GLMN: variants seen among roughly 807,000 people sequenced by gnomAD.
The protein encoded by GLMN is glomulin.
GLMN carries 75 observed loss-of-function variants against 87.8 expected under a neutral mutation model. That is an observed-to-expected ratio of 0.85 (90% CI 0.71 to 1.04). GLMN has a LOEUF of 1.04. GLMN is among the 50% of genes least tolerant of loss of function. The pLI, the probability that GLMN is intolerant of heterozygous loss-of-function variation, is 0.00. For missense variants in GLMN, 588 were observed against 658.8 expected, an observed-to-expected ratio of 0.89 and a Z score of 1.18; for synonymous variants, 206 against 221.6, an observed-to-expected ratio of 0.93 and a Z score of 0.63.
At chr1:92,323,827 A>T in the GLMN span, 12 of 1,614,130 alleles carry the variant, frequency 7.4e-6, no homozygotes, top group Non-Finnish European at 9.3e-6. Flanking sequence ...TTCTTCAAAT[A>T]GCACTTTGCC....
intron 16 of GLMN, among the ~76,000 whole-genome samples, chr1:92,252,517 A>G (rs1366031171): frequency 1.3e-5 from 2 of 152,246 alleles, no homozygotes; most frequent in African/African-American, 4.8e-5. Context: ...GCAATAGCCC[A>G]TAATCATAAA....
chr1:92,323,948 A>C, the GLMN span: 3 of 1,614,208 alleles, frequency 1.9e-6, no homozygotes, highest in South Asian at 1.1e-5. Flanking sequence ...AAATTTGCCA[A>C]ATCAAACCAA....
the GLMN span, among the ~76,000 whole-genome samples, chr1:92,327,017 T>C: frequency 2.0e-5 from 3 of 152,264 alleles, no homozygotes; most frequent in Admixed American, 6.5e-5. Context: ...TGGCCTATCA[T>C]ATGGTCTATC....
the GLMN span, chr1:92,320,623 G>A: frequency 6.2e-7 from 1 of 1,610,124 alleles, no homozygotes; most frequent in Non-Finnish European, 8.5e-7. Context: ...AACTGCTAAA[G>A]GAAGAACAAA....
chr1:92,320,606 G>T, the GLMN span: 1 of 1,610,996 alleles, frequency 6.2e-7, no homozygotes, highest in African/African-American at 1.3e-5. Context: ...CAGGCATCCT[G>T]ATTTTCAACT....
intron 16 of GLMN, among the ~76,000 whole-genome samples, chr1:92,252,353 C>T (rs1348647212): frequency 2.0e-5 from 3 of 152,100 alleles, no homozygotes; most frequent in Admixed American, 6.5e-5. Context: ...GTGATTGCGC[C>T]ACTGCACTCC....
Position 92,247,041 on chromosome 1 carries a change from GAA to G in GLMN, c.1668+19_1668+20del, listed in dbSNP as rs35752451. The G allele has an allele frequency of 0.48, 628,031 of 1,318,938 alleles. 159,859 individuals are homozygous for G. Among genetic ancestry groups the G allele is most frequent in the East Asian group, 0.96 (41,895 of 43,536 alleles). 81.7% of individuals were successfully genotyped at this position (1,318,938 alleles called of 1,614,324 possible). On this transcript the variant is annotated intron_variant, in intron 18 of 18. Transcript: ENST00000370360. ...CCGTTTCTAAAGAAGAAAAAGGAAA[GAA>G]AAGAAAATTTCAGATCACCTTAAGC...
intron 7 of GLMN, among the ~76,000 whole-genome samples, chr1:92,286,055 A>G (rs1301978092): frequency 6.6e-6 from 1 of 152,034 alleles, no homozygotes; most frequent in Non-Finnish European, 1.5e-5. Context: ...AACAGTTAAA[A>G]AAAGAAAACT....
At chr1:92,313,070 T>C in the GLMN span, among the ~76,000 whole-genome samples, 1 of 152,218 alleles carries the variant, frequency 6.6e-6, no homozygotes, top group African/African-American at 2.4e-5. Flanking sequence ...TTTTGCCATG[T>C]TGGCCAGGCT....
chr1:92,247,358 T>C (rs144905395), intron 17 of GLMN, among the ~76,000 whole-genome samples: 58 of 152,332 alleles, frequency 3.8e-4, no homozygotes, highest in African/African-American at 1.3e-3. Flanking sequence ...TTTAGATAAA[T>C]AGCATTATTT....
the GLMN span, among the ~76,000 whole-genome samples, chr1:92,341,366 G>A: frequency 6.6e-6 from 1 of 151,994 alleles, no homozygotes; most frequent in Non-Finnish European, 1.5e-5. Context: ...CTTTTGAATT[G>A]TCACTCAAAC....
chr1:92,271,370 T>C, intron 8 of GLMN, 95 bp downstream of exon 8: 1 of 867,908 alleles, frequency 1.2e-6, no homozygotes, highest in South Asian at 1.3e-5. Context: ...TAAAATGTAT[T>C]AGTGTGTTAA....
intron 7 of GLMN, among the ~76,000 whole-genome samples, chr1:92,280,549 C>T (rs528001677): frequency 1.3e-4 from 20 of 152,114 alleles, no homozygotes; most frequent in Admixed American, 5.9e-4. Context: ...AAAAACAGAG[C>T]GCCTCTGCTC....
intron 16 of GLMN, among the ~76,000 whole-genome samples, chr1:92,253,724 A>G (rs1206484505): frequency 6.6e-6 from 1 of 152,202 alleles, no homozygotes; most frequent in Non-Finnish European, 1.5e-5. Flanking sequence ...AATAGCATTA[A>G]CGTCAACAAA....
chr1:92,247,762 G>A (rs555802592), intron 17 of GLMN, 116 bp downstream of exon 17: 2 of 648,434 alleles, frequency 3.1e-6, no homozygotes, highest in South Asian at 3.4e-5. Flanking sequence ...AAATGGCTTA[G>A]CTGTTATGGT....
At chr1:92,295,762 T>C (rs1649973692) in intron 3 of GLMN, among the ~76,000 whole-genome samples, 2 of 152,196 alleles carry the variant, frequency 1.3e-5, no homozygotes, top group African/African-American at 2.4e-5. Context: ...CATTTAACTT[T>C]TCAGTTACAA....
chr1:92,246,563 CTTTG>C lies in GLMN; in HGVS notation c.1748_1751del (p.Thr583SerfsTer10), dbSNP rs745616846. 6.5e-7 allele frequency: 1 copy of C among 1,540,394 alleles called. No individual in the cohort carries two copies. Among genetic ancestry groups the C allele is most frequent in the South Asian group, 1.1e-5 (1 of 89,594 alleles). Reference sequence around the variant, plus strand: ...TCCCAATATTTTCTTCAGAGGTAGACTTTGTTTTTATTTCAATGAGTTCTTCCAC... The same window carrying C: ...TCCCAATATTTTCTTCAGAGGTAGACTTTTTATTTCAATGAGTTCTTCCAC... On this transcript the variant is annotated frameshift_variant, in exon 19 of 19. Transcript: ENST00000370360. LOFTEE classifies it high-confidence loss of function.
intron 5 of GLMN, 123 bp downstream of exon 5, chr1:92,290,075 T>G (rs1436236573): frequency 1.4e-6 from 1 of 703,590 alleles, no homozygotes; most frequent in East Asian, 2.6e-5. Flanking sequence ...TATTATTGGT[T>G]TAAGCAGAGT....
In GLMN at chr1:92,266,451, CTTG is replaced by C. The variant is rs773442562; in HGVS notation, c.1179_1181del (p.Asn393del). On this transcript the variant is annotated inframe_deletion, in exon 13 of 19. Transcript: ENST00000370360. ...ATGTATATTTGCCTTGTGAATCCAACTTGTTAATATACAGCTGAAGCATAGCTA... is the reference window on the plus strand; with the variant it reads ...ATGTATATTTGCCTTGTGAATCCAACTTAATATACAGCTGAAGCATAGCTA... The C allele has an allele frequency of 3.1e-5, 48 of 1,572,774 alleles. No homozygotes were observed. Among genetic ancestry groups the C allele is most frequent in the Non-Finnish European group, 4.2e-5 (48 of 1,143,262 alleles).
Sources: allele counts gnomAD v4.1 joint callset (sites outside exome capture counted in the v4.1 genomes callset), GRCh38; gene constraint gnomAD v4.1.1; transcripts MANE v1.5; gene names NCBI Gene and HGNC (gene_info 2026-07-23, HGNC 2026-07-21).